SLC25A21: variants seen among roughly 807,000 people sequenced by gnomAD.
SLC25A21 encodes the protein mitochondrial 2-oxodicarboxylate carrier.
A neutral mutation model predicts 43.8 loss-of-function variants in SLC25A21; 47 were observed. The ratio of observed to expected loss-of-function variants is 1.07; its 90% CI spans 0.85 to 1.37. The LOEUF is 1.37. Ranked by LOEUF, SLC25A21 falls within the 40% of genes most tolerant of loss-of-function variation. SLC25A21 has a pLI of 0.00. For missense variants in SLC25A21, 352 were observed against 350.2 expected, an observed-to-expected ratio of 1.00 and a Z score of -0.04; for synonymous variants, 131 against 121.3, an observed-to-expected ratio of 1.08 and a Z score of -0.52.
Position 36,680,416 on chromosome 14 carries a change from A to G in SLC25A21, c.*242T>C, listed in dbSNP as rs1290794088. Reference sequence around the variant, plus strand: ...TATATGATTTCTATGCTATTTTTCTATATTCACTTTAAATACCTCATTGTT... The same window carrying G: ...TATATGATTTCTATGCTATTTTTCTGTATTCACTTTAAATACCTCATTGTT... On this transcript the variant is annotated 3_prime_UTR_variant, in exon 10 of 10. Coordinates refer to ENST00000331299, the MANE Select transcript of SLC25A21 (RefSeq NM_030631.4). The G allele has an allele frequency of 1.8e-6, 2 of 1,133,432 alleles. No individual in the cohort carries two copies. Among genetic ancestry groups the G allele is most frequent in the Non-Finnish European group, 2.2e-6 (2 of 917,924 alleles). 70.2% of individuals were successfully genotyped at this position (1,133,432 alleles called of 1,614,324 possible). A position where few individuals can be genotyped will look rare whatever the true frequency, so the allele number is the denominator to read the frequency against.
At chr14:37,078,238 T>C (rs1247630385) in intron 1 of SLC25A21, among the ~76,000 whole-genome samples, 1 of 152,080 alleles carries the variant, frequency 6.6e-6, no homozygotes, top group Non-Finnish European at 1.5e-5. Flanking sequence ...ATAGAGAAAA[T>C]GGCCTTTAAG....
At chr14:36,680,904 A>G (rs1312743264) in intron 9 of SLC25A21, among the ~76,000 whole-genome samples, 185 bp from the exon 10 acceptor site, 1 of 152,194 alleles carries the variant, frequency 6.6e-6, no homozygotes, top group Non-Finnish European at 1.5e-5. Context: ...TAAAATCAAG[A>G]CCATCTTGAG....
intron 4 of SLC25A21, among the ~76,000 whole-genome samples, chr14:36,732,357 T>C (rs1884863006): frequency 6.6e-6 from 1 of 152,062 alleles, no homozygotes; most frequent in African/African-American, 2.4e-5. Flanking sequence ...GGAAAACTGG[T>C]ATTTCTGTAT....
At chr14:36,855,249 G>T (rs928216829) in intron 2 of SLC25A21, among the ~76,000 whole-genome samples, 1 of 151,802 alleles carries the variant, frequency 6.6e-6, no homozygotes, top group Non-Finnish European at 1.5e-5. Context: ...GTTAATTCAG[G>T]ACTAGGAAAT....
intron 2 of SLC25A21, among the ~76,000 whole-genome samples, chr14:36,868,431 C>G (rs1040280709): frequency 6.6e-6 from 1 of 152,150 alleles, no homozygotes; most frequent in Non-Finnish European, 1.5e-5. Context: ...GCTGGGGACC[C>G]TTAGAACACA....
intron 3 of SLC25A21, among the ~76,000 whole-genome samples, chr14:36,768,547 ATATG>A (rs1372687468): frequency 6.6e-6 from 1 of 152,036 alleles, no homozygotes; most frequent in Non-Finnish European, 1.5e-5. Context: ...TCCCTACTAT[ATATG>A]TAATCCCTCA....
At chr14:37,059,439 G>A (rs759881104) in intron 1 of SLC25A21, among the ~76,000 whole-genome samples, 1 of 152,130 alleles carries the variant, frequency 6.6e-6, no homozygotes, top group Non-Finnish European at 1.5e-5. Context: ...CTTTCATTAT[G>A]TTACTGTCAT....
intron 3 of SLC25A21, among the ~76,000 whole-genome samples, chr14:36,757,928 TGCATA>T: frequency 6.6e-6 from 1 of 152,366 alleles, no homozygotes; most frequent in Middle Eastern, 3.4e-3. Context: ...TTTGTCACCA[TGCATA>T]GCATAAGGCA....
chr14:36,914,901 CA>C (rs1891788719), intron 1 of SLC25A21, among the ~76,000 whole-genome samples: 1 of 151,654 alleles, frequency 6.6e-6, no homozygotes, highest in Non-Finnish European at 1.5e-5. Context: ...AAGTTGATTT[CA>C]AACTGCAAAG....
At chr14:36,978,586 A>G (rs928045994) in intron 1 of SLC25A21, among the ~76,000 whole-genome samples, 5 of 152,192 alleles carry the variant, frequency 3.3e-5, no homozygotes, top group Admixed American at 1.3e-4. Flanking sequence ...ACTTAATTCT[A>G]TTTTATGATG....
intron 1 of SLC25A21, among the ~76,000 whole-genome samples, chr14:36,918,929 G>GA (rs1429824513): frequency 6.6e-6 from 1 of 151,882 alleles, no homozygotes; most frequent in Non-Finnish European, 1.5e-5. Flanking sequence ...CCTCCTCTGT[G>GA]AAAAAAGGTT....
At chr14:37,126,726 A>T (rs1187904245) in intron 1 of SLC25A21, among the ~76,000 whole-genome samples, 1 of 152,188 alleles carries the variant, frequency 6.6e-6, no homozygotes, top group Non-Finnish European at 1.5e-5. Context: ...AAACATTTAC[A>T]AAGTAGCTGC....
chr14:36,952,675 G>A (rs921203632), intron 1 of SLC25A21, among the ~76,000 whole-genome samples: 2 of 152,074 alleles, frequency 1.3e-5, no homozygotes, highest in African/African-American at 4.8e-5. Flanking sequence ...GACAATTCTT[G>A]GGAATGCCAT....
At chr14:37,077,744 T>G (rs956754193) in intron 1 of SLC25A21, among the ~76,000 whole-genome samples, 2 of 152,152 alleles carry the variant, frequency 1.3e-5, no homozygotes, top group African/African-American at 4.8e-5. Flanking sequence ...TTGTCGAAAT[T>G]CACATGAGAA....
chr14:36,941,276 AAT>A (rs1892550321), intron 1 of SLC25A21, among the ~76,000 whole-genome samples: 1 of 152,120 alleles, frequency 6.6e-6, no homozygotes, highest in South Asian at 2.1e-4. Flanking sequence ...TATTAGCTCA[AAT>A]ATATAGTTTA....
intron 1 of SLC25A21, among the ~76,000 whole-genome samples, chr14:37,149,314 C>T (rs1199214795): frequency 1.3e-5 from 2 of 152,160 alleles, no homozygotes; most frequent in East Asian, 1.9e-4. Flanking sequence ...TTTCTTGATG[C>T]TTTATGAGGC....
intron 1 of SLC25A21, among the ~76,000 whole-genome samples, chr14:37,092,248 A>G (rs1166347856): frequency 6.6e-6 from 1 of 152,178 alleles, no homozygotes; most frequent in Admixed American, 6.5e-5. Flanking sequence ...AAGCCTTTCA[A>G]ATATGTTCCT....
At chr14:36,938,146 C>T (rs757219253) in intron 1 of SLC25A21, among the ~76,000 whole-genome samples, 10 of 152,130 alleles carry the variant, frequency 6.6e-5, no homozygotes, top group Non-Finnish European at 1.2e-4. Flanking sequence ...TCCCTGAACG[C>T]ATGCTGTTAA....
chr14:37,034,886 C>T (rs1203325303), intron 1 of SLC25A21, among the ~76,000 whole-genome samples: 1 of 152,216 alleles, frequency 6.6e-6, no homozygotes, highest in Non-Finnish European at 1.5e-5. Context: ...AAGGGCCTAA[C>T]CGTATTGCTG....
Sources: gnomAD v4.1 joint callset for allele counts (sites outside exome capture counted in the v4.1 genomes callset) on GRCh38, gnomAD v4.1.1 for gene constraint, MANE v1.5 for transcripts, NCBI Gene and HGNC (gene_info 2026-07-23, HGNC 2026-07-21) for gene names.